The following ASCC1 variants were observed in gnomAD, a reference collection of about 807,000 sequenced individuals.
ASCC1 encodes the protein ASC-1 complex subunit P50.
ASCC1 carries 35 observed loss-of-function variants against 46.6 expected under a neutral mutation model. The ratio of observed to expected loss-of-function variants is 0.75; its 90% CI spans 0.57 to 0.99. ASCC1 has a LOEUF of 0.99. Ranked by LOEUF, ASCC1 falls within the 50% of genes least tolerant of loss-of-function variation. The pLI is 0.00. For synonymous variants in ASCC1, 143 were observed against 146.6 expected (o/e 0.98, Z 0.18); for missense variants, 376 against 428.7 (o/e 0.88, Z 1.09).
At chr10:72,098,120 A>G (rs1200699278) in intron 9 of ASCC1, among the ~76,000 whole-genome samples, 1 of 152,226 alleles carries the variant, frequency 6.6e-6, no homozygotes, top group Admixed American at 6.5e-5. Context: ...ATGATCCTGT[A>G]CTTTACAAAA....
chr10:72,144,727 AC>A (rs1411237231), intron 7 of ASCC1, among the ~76,000 whole-genome samples: 1 of 152,172 alleles, frequency 6.6e-6, no homozygotes, highest in Non-Finnish European at 1.5e-5. Context: ...ATTAAAAAAA[AC>A]ACTCTAGAAT....
chr10:72,169,660 T>A (rs1667194907), intron 5 of ASCC1, among the ~76,000 whole-genome samples: 1 of 152,214 alleles, frequency 6.6e-6, no homozygotes, highest in South Asian at 2.1e-4. Flanking sequence ...GTATGCCTCT[T>A]ACATAGTTTT....
chr10:72,200,651 C>G (rs1856367237), intron 4 of ASCC1, among the ~76,000 whole-genome samples: 1 of 140,588 alleles, frequency 7.1e-6, no homozygotes, highest in Non-Finnish European at 1.5e-5. Context: ...GCAACAAGAG[C>G]GAAACTCCAT....
At chr10:72,152,519 G>A (rs1016356776) in intron 7 of ASCC1, among the ~76,000 whole-genome samples, 7 of 152,044 alleles carry the variant, frequency 4.6e-5, no homozygotes, top group South Asian at 4.1e-4. Context: ...ATCAATACCC[G>A]TTATCCAAGT....
Position 72,197,007 on chromosome 10 carries a change from A to G in ASCC1, c.311-18T>C, listed in dbSNP as rs1855535027. The G allele has an allele frequency of 1.2e-6, 2 of 1,613,348 alleles. No individual in the cohort carries two copies. Among genetic ancestry groups the G allele is most frequent in the East Asian group, 2.2e-5 (1 of 44,880 alleles). ...AGTGATTACTGTAAACAAAGAAGAAAGGGTAAACTGCTCAAGGACCCCCAA... is the reference window on the plus strand; with the variant it reads ...AGTGATTACTGTAAACAAAGAAGAAGGGGTAAACTGCTCAAGGACCCCCAA... On this transcript the variant is annotated intron_variant, in intron 4 of 9. Transcript: ENST00000672957.
rs561864333 is a variant in ASCC1 at position 72,102,248 on chromosome 10, A to G, written c.958-4798T>C. 31 of 1,211,542 alleles carry G rather than the reference A, an allele frequency of 2.6e-5. No individual in the cohort carries two copies. In the South Asian group the frequency reaches 3.8e-4, roughly 15 times the overall value. The allele number at this position is 1,211,542 out of a possible 1,614,324, so 75.0% of individuals were successfully genotyped here. Reference sequence around the variant, plus strand: ...GGGTGTATATGAGGCTGCCATTGACAGTAACAGAACATTTTTGAAAGGGAG... The same window carrying G: ...GGGTGTATATGAGGCTGCCATTGACGGTAACAGAACATTTTTGAAAGGGAG... On this transcript the variant is annotated intron_variant, in intron 9 of 9. Coordinates refer to ENST00000672957, the MANE Select transcript of ASCC1 (RefSeq NM_001198800.3).
chr10:72,097,602 A>G (rs1047897536), intron 9 of ASCC1, 152 bp from the exon 10 acceptor site: 6 of 579,598 alleles, frequency 1.0e-5, no homozygotes, highest in African/African-American at 1.9e-5. Flanking sequence ...ATAATGATCC[A>G]GGAGAGGAGG....
At chr10:72,130,009 G>C in intron 8 of ASCC1, among the ~76,000 whole-genome samples, 1 of 122,680 alleles carries the variant, frequency 8.2e-6, no homozygotes, top group East Asian at 2.4e-4. Context: ...AAAACACACA[G>C]AAAACAAAAC....
rs529499455 is a variant in ASCC1, at chr10:72,111,802, C to T, written c.958-14352G>A. ...GACTACAGGTGCCTGCCACCACGCC[C>T]GGCTAATTTTTTTGTATTTTTAGTA... On this transcript the variant is annotated intron_variant, in intron 9 of 9. Transcript: ENST00000672957. Among the ~76,000 whole-genome samples, 357 of 152,088 alleles carry T rather than the reference C, an allele frequency of 2.3e-3. 1 individual carries two copies. Among genetic ancestry groups the T allele is most frequent in the Admixed American group, 4.2e-3 (64 of 15,270 alleles).
intron 8 of ASCC1, among the ~76,000 whole-genome samples, chr10:72,130,100 A>C (rs1845417191): frequency 6.6e-6 from 1 of 152,146 alleles, no homozygotes; most frequent in Admixed American, 6.5e-5. Flanking sequence ...AGCCAGCCAC[A>C]AAAGATCACA....
At chr10:72,195,750 C>T (rs2133256926) in intron 5 of ASCC1, among the ~76,000 whole-genome samples, 1 of 151,450 alleles carries the variant, frequency 6.6e-6, no homozygotes, top group Non-Finnish European at 1.5e-5. Context: ...AGGAGAATTG[C>T]TTGAACCCGG....
chr10:72,190,131 T>C (rs1188773084), intron 5 of ASCC1: 1 of 761,214 alleles, frequency 1.3e-6, no homozygotes, highest in South Asian at 1.3e-5. Context: ...ATATATAGGA[T>C]TCATGTTCGC....
intron 9 of ASCC1, among the ~76,000 whole-genome samples, chr10:72,107,893 C>G (rs960306264): frequency 6.6e-6 from 1 of 152,082 alleles, no homozygotes; most frequent in Non-Finnish European, 1.5e-5. Flanking sequence ...CCTTTTTCCT[C>G]ACCTACACTG....
At chr10:72,202,249 T>C (rs904147330) in intron 4 of ASCC1, among the ~76,000 whole-genome samples, 3 of 152,116 alleles carry the variant, frequency 2.0e-5, no homozygotes, top group African/African-American at 7.2e-5. Context: ...GGTGGATCAC[T>C]TGAGGCCAGA....
At chr10:72,153,200 A>G (rs1297733494) in intron 6 of ASCC1, among the ~76,000 whole-genome samples, 1 of 152,238 alleles carries the variant, frequency 6.6e-6, no homozygotes, top group Non-Finnish European at 1.5e-5. Flanking sequence ...AAAACACCGG[A>G]AAGTATTTCC....
At chr10:72,164,390 A>T (rs1368223239) in intron 5 of ASCC1, among the ~76,000 whole-genome samples, 1 of 152,240 alleles carries the variant, frequency 6.6e-6, no homozygotes, top group South Asian at 2.1e-4. Context: ...ATCATACAAT[A>T]TAAGACCTCT....
chr10:72,203,281 C>T lies in ASCC1; in HGVS notation c.310+146G>A, dbSNP rs146383367. The T allele has an allele frequency of 9.1e-3, 6,197 of 679,044 alleles. 278 individuals carry two copies. In the East Asian group the frequency reaches 0.097, roughly 11 times the overall value. 42.1% of individuals were successfully genotyped at this position (679,044 alleles called of 1,614,324 possible). ...AGCCTGGGTAACAAGGGCAAAACTC[C>T]GTCTCAAAAAAAAAAAAAAAGAAAA... On this transcript the variant is annotated intron_variant, in intron 4 of 9. Transcript: ENST00000672957.
chr10:72,205,715 G>A (rs1341218393), intron 3 of ASCC1, among the ~76,000 whole-genome samples: 1 of 151,982 alleles, frequency 6.6e-6, no homozygotes, highest in East Asian at 1.9e-4. Flanking sequence ...AGAATTGCTT[G>A]AACCTGGGAG....
intron 7 of ASCC1, among the ~76,000 whole-genome samples, chr10:72,148,966 G>C (rs1166877161): frequency 6.6e-6 from 1 of 152,110 alleles, no homozygotes; most frequent in African/African-American, 2.4e-5. Context: ...CTGTATCTGT[G>C]AGGCTGGATT....
Sources: allele counts gnomAD v4.1 joint callset (sites outside exome capture counted in the v4.1 genomes callset), GRCh38; gene constraint gnomAD v4.1.1; transcripts MANE v1.5; gene names NCBI Gene and HGNC (gene_info 2026-07-23, HGNC 2026-07-21).